CACHD1: variants seen among roughly 807,000 people sequenced by gnomAD.
CACHD1 encodes cache domain containing 1.
In CACHD1, 71 loss-of-function variants were observed where a neutral mutation model predicts 138.7. That is an observed-to-expected ratio of 0.51 (90% CI 0.42 to 0.62). The LOEUF (loss-of-function observed/expected upper bound fraction) is 0.62, where lower values mean the gene tolerates loss of function less well. CACHD1 is among the 20% of genes least tolerant of loss of function. CACHD1 has a pLI of 0.00. For missense variants in CACHD1, 1,389 were observed against 1,625.3 expected (o/e 0.85, Z 2.50); for synonymous variants, 578 against 591.5 (o/e 0.98, Z 0.33).
chr1:64,509,106 C>T (rs533435242), intron 1 of CACHD1, among the ~76,000 whole-genome samples: 141 of 152,254 alleles, frequency 9.3e-4, no homozygotes, highest in Admixed American at 2.9e-3. Flanking sequence ...TTCATACTCT[C>T]TTTTTTTCTC....
At chr1:64,676,765 C>G in intron 21 of CACHD1, 130 bp from the exon 22 acceptor site, 6 of 672,170 alleles carry the variant, frequency 8.9e-6, no homozygotes, top group Non-Finnish European at 1.3e-5. Context: ...GTGATTGATA[C>G]AAGGTTACAC....
chr1:64,632,011 C>T (rs1051084968), intron 5 of CACHD1, among the ~76,000 whole-genome samples: 5 of 152,030 alleles, frequency 3.3e-5, no homozygotes, highest in African/African-American at 1.2e-4. Context: ...GGCTGCCTCA[C>T]TTCTAACCAA....
intron 1 of CACHD1, among the ~76,000 whole-genome samples, chr1:64,524,066 C>G (rs913670899): frequency 1.3e-5 from 2 of 151,998 alleles, no homozygotes; most frequent in African/African-American, 2.4e-5. Flanking sequence ...TTATTCTATG[C>G]TTTATTCTTG....
At chr1:64,570,529 C>T (rs190478690) in intron 2 of CACHD1, among the ~76,000 whole-genome samples, 114 of 152,210 alleles carry the variant, frequency 7.5e-4, no homozygotes, top group Non-Finnish European at 9.4e-4. Flanking sequence ...AAGGTGTTAG[C>T]GGTGAATCCT....
chr1:64,483,146 G>A (rs556761881), intron 1 of CACHD1, among the ~76,000 whole-genome samples: 14 of 152,196 alleles, frequency 9.2e-5, no homozygotes, highest in Non-Finnish European at 1.9e-4. Context: ...GTGAGTAGAA[G>A]TATCTGCTAC....
In CACHD1 at chr1:64,609,767, T is replaced by C. The variant is rs532033574; in HGVS notation, c.517+6855T>C. Among the ~76,000 whole-genome samples, 238 of 78,272 alleles carry C rather than the reference T, an allele frequency of 3.0e-3. 2 individuals are homozygous for C. The highest frequency in any genetic ancestry group is 0.019 in the African/African-American group (231 of 11,918). 51.3% of individuals were successfully genotyped at this position (78,272 alleles called of 152,430 possible). On this transcript the variant is annotated intron_variant, in intron 4 of 26. Coordinates refer to ENST00000651257, the MANE Select transcript of CACHD1 (RefSeq NM_020925.4). ...TTAACTTAGCAAATGTATCCTGAAC[T>C]TTTTTATTTTCATAAAATAAGATTT...
intron 1 of CACHD1, among the ~76,000 whole-genome samples, chr1:64,519,079 GC>G (rs1557472296): frequency 6.6e-6 from 1 of 152,128 alleles, no homozygotes; most frequent in Admixed American, 6.6e-5. Flanking sequence ...CTGAGTGAAA[GC>G]TTTACAATTG....
At chr1:64,685,066 C>T (rs780426990) in intron 26 of CACHD1, among the ~76,000 whole-genome samples, 4 of 152,186 alleles carry the variant, frequency 2.6e-5, no homozygotes, top group Non-Finnish European at 4.4e-5. Context: ...ACCCCAGCCT[C>T]GCAATGTGTT....
chr1:64,668,573 T>C (rs558013932), intron 16 of CACHD1, among the ~76,000 whole-genome samples: 1 of 152,264 alleles, frequency 6.6e-6, no homozygotes, highest in African/African-American at 2.4e-5. Context: ...TTTTACATCA[T>C]GGGTTGAACC....
intron 4 of CACHD1, among the ~76,000 whole-genome samples, chr1:64,629,081 T>C: frequency 6.6e-6 from 1 of 152,174 alleles, no homozygotes; most frequent in East Asian, 1.9e-4. Flanking sequence ...TTAATGCAAA[T>C]GAATCATTTG....
intron 12 of CACHD1, 104 bp from the exon 13 acceptor site, chr1:64,658,601 C>T (rs962557926): frequency 4.1e-6 from 3 of 735,640 alleles, no homozygotes; most frequent in Non-Finnish European, 6.5e-6. Flanking sequence ...ATACCTTCCA[C>T]GTGAAGATAG....
chr1:64,588,969 T>C (rs535297307), intron 3 of CACHD1, among the ~76,000 whole-genome samples: 1 of 152,328 alleles, frequency 6.6e-6, no homozygotes, highest in Admixed American at 6.5e-5. Flanking sequence ...AAGGCATCTG[T>C]CTGGCTTGAT....
At chr1:64,492,311 C>T (rs919884880) in intron 1 of CACHD1, among the ~76,000 whole-genome samples, 1 of 145,882 alleles carries the variant, frequency 6.9e-6, no homozygotes, top group Non-Finnish European at 1.5e-5. Context: ...TGAAGAATAA[C>T]GGCACTTGTA....
intron 2 of CACHD1, among the ~76,000 whole-genome samples, chr1:64,554,726 C>CTGT (rs1646783784): frequency 6.6e-6 from 1 of 152,064 alleles, no homozygotes; most frequent in South Asian, 2.1e-4. Flanking sequence ...TTTAAAAATG[C>CTGT]TGTATATGTT....
Position 64,678,199 on chromosome 1 carries a change from G to A in CACHD1, c.3133G>A (p.Asp1045Asn). Residue 1045 changes from aspartate (D) to asparagine (N), a missense_variant, in exon 23 of 27, where the codon GAC becomes AAC. By Grantham distance (23) the Asp-to-Asn change is conservative (BLOSUM62 1). Around this residue, in one of 5 missense-constraint regions of CACHD1, gnomAD observed 250 missense variants for 292.9 expected, o/e 0.85. Coordinates refer to ENST00000651257, the MANE Select transcript of CACHD1 (RefSeq NM_020925.4). The stretch of plus-strand genomic sequence containing the variant: ...GCTGGATTGTGAATGGTGCATGGTG[G>A]ACAGTGATGGAAAGACTCACCTGGA... The part of the protein sequence containing the change: ...GVLDCEWCMV[D>N]SDGKTHLDKP... 1 of 1,612,622 alleles carries A rather than the reference G, an allele frequency of 6.2e-7. No homozygotes were observed. The highest frequency in any genetic ancestry group is 1.1e-5 in the South Asian group (1 of 90,656).
chr1:64,521,400 A>G (rs1037327941), intron 1 of CACHD1, among the ~76,000 whole-genome samples: 14 of 152,326 alleles, frequency 9.2e-5, no homozygotes, highest in East Asian at 1.9e-4. Context: ...GTTTAGGCCC[A>G]TTGGATAATC....
intron 1 of CACHD1, among the ~76,000 whole-genome samples, chr1:64,492,665 G>A (rs560640106): frequency 2.0e-5 from 3 of 152,156 alleles, no homozygotes; most frequent in Admixed American, 6.5e-5. Context: ...TAGAGTTAAC[G>A]TCAGTGTAAA....
Position 64,653,214 on chromosome 1 carries a change from T to TA in CACHD1, c.1541-543dup, listed in dbSNP as rs566051066. On this transcript the variant is annotated intron_variant, in intron 10 of 26. Transcript: ENST00000651257. ...TGGACACAAAGAGGAGGACAACAGA[T>TA]ACTGAGGCTACCTAAGGGTGGAAAG... is the stretch of plus-strand genomic sequence containing the variant. Among the ~76,000 whole-genome samples the TA allele has an allele frequency of 1.0e-3, 153 of 151,964 alleles. 1 individual carries two copies. The highest frequency in any genetic ancestry group is 3.6e-3 in the African/African-American group (151 of 41,450).
chr1:64,655,910 A>G (rs1343806638), intron 12 of CACHD1, among the ~76,000 whole-genome samples: 2 of 152,238 alleles, frequency 1.3e-5, no homozygotes, highest in African/African-American at 2.4e-5. Flanking sequence ...AAATAGATCC[A>G]TTTAATCATC....
Sources: gnomAD v4.1 joint callset for allele counts (sites outside exome capture counted in the v4.1 genomes callset) on GRCh38, gnomAD v4.1.1 for gene constraint, gnomAD v4.1.1 regional missense constraint, MANE v1.5 for transcripts, NCBI Gene and HGNC (gene_info 2026-07-23, HGNC 2026-07-21) for gene names.